CNTNAP2: variants seen among roughly 807,000 people sequenced by gnomAD.
CNTNAP2 encodes the protein contactin-associated protein-like 2.
A neutral mutation model predicts 155.2 loss-of-function variants in CNTNAP2; 98 were observed. The observed-to-expected ratio is 0.63, with a 90% CI of 0.54 to 0.75. CNTNAP2 has a LOEUF of 0.75. Ranked by LOEUF, CNTNAP2 falls within the 30% of genes least tolerant of loss-of-function variation. CNTNAP2 has a pLI of 0.00. For synonymous variants in CNTNAP2, 651 were observed against 631.2 expected, an observed-to-expected ratio of 1.03 and a Z score of -0.47; for missense variants, 1,727 against 1,688.1, an observed-to-expected ratio of 1.02 and a Z score of -0.40.
chr7:146,787,513 G>A (rs927395199), intron 2 of CNTNAP2, among the ~76,000 whole-genome samples: 1 of 152,142 alleles, frequency 6.6e-6, no homozygotes, highest in Non-Finnish European at 1.5e-5. Flanking sequence ...CCTTCTGGTG[G>A]GTTCGTGGTC....
At chr7:148,036,957 A>G (rs1802583289) in intron 15 of CNTNAP2, among the ~76,000 whole-genome samples, 1 of 152,212 alleles carries the variant, frequency 6.6e-6, no homozygotes, top group African/African-American at 2.4e-5. Context: ...GCTAATTGTT[A>G]CATAATTAGC....
At chr7:146,799,070 G>T (rs1047381977) in intron 2 of CNTNAP2, among the ~76,000 whole-genome samples, 3 of 152,150 alleles carry the variant, frequency 2.0e-5, no homozygotes, top group African/African-American at 7.2e-5. Flanking sequence ...TTGAATTGAT[G>T]TATTGGAAAT....
At chr7:146,340,168 CAAAAAAAAAAAA>C (rs1195946572) in intron 1 of CNTNAP2, among the ~76,000 whole-genome samples, 3 of 54,894 alleles carry the variant, frequency 5.5e-5, no homozygotes, top group Non-Finnish European at 8.0e-5. Flanking sequence ...GACTCCGCCT[CAAAAAAAAAAAA>C]AAAAAAAAAA....
chr7:146,350,789 A>G (rs1328130401), intron 1 of CNTNAP2, among the ~76,000 whole-genome samples: 1 of 149,326 alleles, frequency 6.7e-6, no homozygotes, highest in African/African-American at 2.4e-5. Context: ...CAAATGTCCA[A>G]CAACGATAGA....
At position 147,343,568 on chromosome 7, in the gene CNTNAP2, C is replaced by T. The variant is rs150445218; in HGVS notation, c.1498+43278C>T. Among the ~76,000 whole-genome samples, 1,032 of 152,166 alleles carry T rather than the reference C, an allele frequency of 6.8e-3. 11 individuals are homozygous for T. Among genetic ancestry groups the T allele is most frequent in the African/African-American group, 0.023 (971 of 41,528 alleles). ...ATTTTCCAGCATTCATTTTGTTGCT[C>T]TGAAATATACCAAGTACTTTACTAA... is the stretch of plus-strand genomic sequence containing the variant. On this transcript the variant is annotated intron_variant, in intron 9 of 23. Transcript: ENST00000361727.
At chr7:147,320,814 C>T (rs755529693) in intron 9 of CNTNAP2, among the ~76,000 whole-genome samples, 4 of 152,182 alleles carry the variant, frequency 2.6e-5, no homozygotes, top group Admixed American at 6.5e-5. Flanking sequence ...GAAGCCATAT[C>T]GTGATCCTAT....
chr7:146,324,050 G>A (rs1801053385), intron 1 of CNTNAP2, among the ~76,000 whole-genome samples: 3 of 152,112 alleles, frequency 2.0e-5, no homozygotes, highest in South Asian at 2.1e-4. Context: ...AAGACTTAAA[G>A]TGACATCATG....
chr7:147,984,793 G>C (rs1387901776), intron 15 of CNTNAP2, among the ~76,000 whole-genome samples: 2 of 152,056 alleles, frequency 1.3e-5, no homozygotes, highest in Non-Finnish European at 2.9e-5. Context: ...AGCAGGGGAG[G>C]AGAGGAACTT....
At chr7:146,714,928 GT>G (rs1433233413) in intron 1 of CNTNAP2, among the ~76,000 whole-genome samples, 5 of 152,208 alleles carry the variant, frequency 3.3e-5, no homozygotes, top group Admixed American at 6.5e-5. Flanking sequence ...TTCTTTGCTA[GT>G]TTTTTCATCT....
intron 3 of CNTNAP2, among the ~76,000 whole-genome samples, chr7:146,931,192 C>T (rs941114726): frequency 7.4e-4 from 112 of 151,954 alleles, no homozygotes; most frequent in Non-Finnish European, 1.2e-3. Flanking sequence ...GGAAGTAAAG[C>T]TCTCCTCAGC....
At chr7:147,008,483 A>G (rs990880539) in intron 3 of CNTNAP2, among the ~76,000 whole-genome samples, 7 of 152,096 alleles carry the variant, frequency 4.6e-5, no homozygotes, top group Non-Finnish European at 1.0e-4. Context: ...TCCTCTATTC[A>G]TATTAGGTTT....
chr7:146,279,494 G>A (rs1242444027), intron 1 of CNTNAP2, among the ~76,000 whole-genome samples: 1 of 150,568 alleles, frequency 6.6e-6, no homozygotes, highest in African/African-American at 2.4e-5. Flanking sequence ...CTGTGAACAG[G>A]TAACTTTGTA....
chr7:146,409,081 C>G (rs1044067073), intron 1 of CNTNAP2, among the ~76,000 whole-genome samples: 1 of 152,118 alleles, frequency 6.6e-6, no homozygotes, highest in Non-Finnish European at 1.5e-5. Context: ...GTATTTTACT[C>G]TATATTTTCT....
At position 148,383,773 on chromosome 7, in the gene CNTNAP2, G is replaced by A. The variant is rs117876038; in HGVS notation, c.3600G>A (p.Ser1200=). 449 of 1,614,168 alleles carry A rather than the reference G, an allele frequency of 2.8e-4. No individual in the cohort carries two copies. Among genetic ancestry groups the A allele is most frequent in the East Asian group, 2.1e-3 (95 of 44,888 alleles). Residue 1200 remains serine, a synonymous_variant, in exon 22 of 24, where the codon TCG becomes TCA. Coordinates refer to ENST00000361727, the MANE Select transcript of CNTNAP2 (RefSeq NM_014141.6). Reference sequence around the variant, plus strand: ...CCGCCTTGAGGCAGACAAACGCCTCGGCTCACGTCCACATCCAGGGCGAGC... The same window carrying A: ...CCGCCTTGAGGCAGACAAACGCCTCAGCTCACGTCCACATCCAGGGCGAGC... ...LKAALRQTNA[S]AHVHIQGELV...
intron 3 of CNTNAP2, among the ~76,000 whole-genome samples, chr7:146,934,013 C>T (rs1419169737): frequency 1.3e-5 from 2 of 152,050 alleles, no homozygotes; most frequent in African/African-American, 2.4e-5. Flanking sequence ...CTAGTTCAAC[C>T]CTTGTGGAAG....
chr7:147,705,439 AG>A (rs1335376221), intron 13 of CNTNAP2, among the ~76,000 whole-genome samples: 5 of 152,250 alleles, frequency 3.3e-5, no homozygotes, highest in Non-Finnish European at 5.9e-5. Flanking sequence ...GATTTTTAAA[AG>A]TTTCTTCAGA....
At chr7:148,214,021 T>C (rs1262228281) in intron 18 of CNTNAP2, among the ~76,000 whole-genome samples, 1 of 152,210 alleles carries the variant, frequency 6.6e-6, no homozygotes, top group Non-Finnish European at 1.5e-5. Flanking sequence ...GCTAGAAAGC[T>C]AGTCTTCATC....
intron 3 of CNTNAP2, among the ~76,000 whole-genome samples, chr7:146,844,052 A>G (rs562322840): frequency 4.4e-4 from 67 of 152,280 alleles, no homozygotes; most frequent in African/African-American, 1.5e-3. Context: ...AATGGACAAC[A>G]TAAGTAATTT....
chr7:148,071,538 G>A (rs1435141296), intron 15 of CNTNAP2, among the ~76,000 whole-genome samples: 1 of 152,112 alleles, frequency 6.6e-6, no homozygotes, highest in African/African-American at 2.4e-5. Flanking sequence ...GAGAGGAACA[G>A]CAGAAGGAGA....
Sources: gnomAD v4.1 joint callset for allele counts (sites outside exome capture counted in the v4.1 genomes callset) on GRCh38, gnomAD v4.1.1 for gene constraint, MANE v1.5 for transcripts, NCBI Gene and HGNC (gene_info 2026-07-23, HGNC 2026-07-21) for gene names.